PHF8: variants seen among roughly 807,000 people sequenced by gnomAD.
PHF8 encodes histone lysine demethylase PHF8.
PHF8 carries 9 observed loss-of-function variants against 74.4 expected under a neutral mutation model. That is an observed-to-expected ratio of 0.12 (90% CI 0.07 to 0.21). The LOEUF is 0.21. PHF8 is among the 10% of genes least tolerant of loss of function. The pLI is 1.00. For synonymous variants in PHF8, 311 were observed against 316.6 expected (o/e 0.98, Z 0.19); for missense variants, 478 against 816.6 (o/e 0.59, Z 5.05).
chrX:53,956,479 C>T (rs1243049328), intron 19 of PHF8, among the ~76,000 whole-genome samples: 3 of 111,363 alleles, frequency 2.7e-5, no homozygotes, highest in Non-Finnish European at 3.8e-5. Flanking sequence ...ATATCTTCTG[C>T]TCAGTACCAT....
At chrX:53,987,346 T>C (rs1156391859) in intron 15 of PHF8, among the ~76,000 whole-genome samples, 183 bp from the exon 16 acceptor site, 3 of 111,473 alleles carry the variant, frequency 2.7e-5, no homozygotes, top group Non-Finnish European at 5.6e-5. Flanking sequence ...CTACAGAACA[T>C]AGTATAGCAA....
At chrX:53,988,652 C>T (rs1406301124) in intron 14 of PHF8, among the ~76,000 whole-genome samples, 1 of 98,784 alleles carries the variant, frequency 1.0e-5, no homozygotes, top group East Asian at 3.1e-4. Context: ...GACAGAGTCT[C>T]GCTCTGTCAC....
chrX:53,958,043 AT>A (rs372976681), intron 19 of PHF8, among the ~76,000 whole-genome samples: 29,203 of 96,462 alleles, frequency 0.3, 7,157 homozygotes, highest in African/African-American at 0.8. Flanking sequence ...ATCAAGAACT[AT>A]TTTTTTTTTT....
chrX:53,945,513 A>T (rs933356634), intron 19 of PHF8, among the ~76,000 whole-genome samples: 15 of 110,166 alleles, frequency 1.4e-4, no homozygotes, highest in Non-Finnish European at 2.5e-4. Context: ...CTGTCTCAAA[A>T]AATAATAATA....
rs371210757 is a variant in PHF8, at chrX:53,961,532, G to A, written c.2539+1312C>T. The stretch of plus-strand genomic sequence containing the variant: ...AGTAGAAACGACGTTTCACCATGTC[G>A]GTCAGGCTGGTCCTGACCTCAGGTG... On this transcript the variant is annotated intron_variant, in intron 19 of 21. Coordinates refer to ENST00000338154, the MANE Select transcript of PHF8 (RefSeq NM_015107.3). 8.1e-5 allele frequency among the ~76,000 whole-genome samples: 9 copies of A among 111,056 alleles called. No individual in the cohort carries two copies. In the East Asian group the frequency reaches 8.5e-4, roughly 10 times the overall value.
At chrX:53,952,214 G>A (rs2064935825) in intron 19 of PHF8, among the ~76,000 whole-genome samples, 1 of 108,523 alleles carries the variant, frequency 9.2e-6, no homozygotes, top group Non-Finnish European at 1.9e-5. Context: ...AACCCGGGAG[G>A]CAGAGGTTAT....
chrX:54,011,738 A>C (rs2065984332), intron 7 of PHF8, among the ~76,000 whole-genome samples: 1 of 110,928 alleles, frequency 9.0e-6, no homozygotes, highest in African/African-American at 3.3e-5. Flanking sequence ...AGCTAATAAA[A>C]GTTTAAAAGT....
intron 6 of PHF8, 86 bp downstream of exon 6, chrX:54,016,505 AAAAG>A (rs1557108212): frequency 4.7e-6 from 4 of 847,539 alleles, no homozygotes; most frequent in Non-Finnish European, 6.8e-6. Flanking sequence ...AAAAAAAAAA[AAAAG>A]AGAGAGAAAC....
At chrX:54,027,984 C>CCACACACACACACACA (rs782177087) in intron 2 of PHF8, among the ~76,000 whole-genome samples, 4 of 96,513 alleles carry the variant, frequency 4.1e-5, no homozygotes, top group Non-Finnish European at 8.4e-5. Context: ...ACTATACACA[C>CCACACACACACACACA]CACACACACA....
chrX:54,002,114 G>A (rs2065836893), intron 10 of PHF8, 41 bp downstream of exon 10: 2 of 723,405 alleles, frequency 2.8e-6, no homozygotes, highest in South Asian at 4.3e-5. Context: ...ATTCACTCAG[G>A]GGAGAGGGGC....
chrX:53,954,985 T>C (rs1420665162), intron 19 of PHF8, among the ~76,000 whole-genome samples: 1 of 111,251 alleles, frequency 9.0e-6, no homozygotes, highest in African/African-American at 3.3e-5. Context: ...ATATGGGAAA[T>C]CTCTATTTCT....
chrX:53,952,837 G>A (rs1423268868), intron 19 of PHF8, among the ~76,000 whole-genome samples: 7 of 101,578 alleles, frequency 6.9e-5, no homozygotes, highest in African/African-American at 2.6e-4. Flanking sequence ...GAGCCGAGCC[G>A]AGATGGTGCC....
chrX:53,958,564 G>A (rs1441096247), intron 19 of PHF8, among the ~76,000 whole-genome samples: 3 of 103,467 alleles, frequency 2.9e-5, no homozygotes, highest in African/African-American at 1.1e-4. Context: ...GGCGGATCAC[G>A]AGGTCAGGAG....
At chrX:54,013,367 CATCA>C (rs2066011448) in intron 7 of PHF8, among the ~76,000 whole-genome samples, 1 of 111,391 alleles carries the variant, frequency 9.0e-6, no homozygotes, top group Non-Finnish European at 1.9e-5. Flanking sequence ...TGACAAAATT[CATCA>C]AATTGTACAA....
intron 2 of PHF8, among the ~76,000 whole-genome samples, chrX:54,025,401 C>T (rs192605138): frequency 9.1e-6 from 1 of 109,677 alleles, no homozygotes; most frequent in East Asian, 2.9e-4. Context: ...GATCATCTCT[C>T]CTCTACCCTT....
intron 4 of PHF8, among the ~76,000 whole-genome samples, chrX:54,020,318 C>G (rs1036088902): frequency 8.9e-6 from 1 of 112,229 alleles, no homozygotes; most frequent in Non-Finnish European, 1.9e-5. Flanking sequence ...TAACTGGCAA[C>G]GTATGCAAAA....
At chrX:54,048,738 G>A (rs1311760334), upstream of PHF8, among the ~76,000 whole-genome samples, 1 of 112,305 alleles carries the variant, frequency 8.9e-6, no homozygotes, top group Non-Finnish European at 1.9e-5. Flanking sequence ...AGGCTGCCCT[G>A]GAAGCCTACC....
chrX:53,943,470 T>A, intron 20 of PHF8: 3 of 1,007,423 alleles, frequency 3.0e-6, no homozygotes, highest in Non-Finnish European at 3.9e-6. Context: ...TTACACATTA[T>A]ATATGGAAGC....
At chrX:53,975,129 T>C (rs1429109631) in intron 18 of PHF8, among the ~76,000 whole-genome samples, 1 of 111,718 alleles carries the variant, frequency 9.0e-6, no homozygotes, top group Non-Finnish European at 1.9e-5. Flanking sequence ...ATCAGGGAAA[T>C]AGAAATCAAA....
Sources: gnomAD v4.1 joint callset for allele counts (sites outside exome capture counted in the v4.1 genomes callset) on GRCh38, gnomAD v4.1.1 for gene constraint, MANE v1.5 for transcripts, NCBI Gene and HGNC (gene_info 2026-07-23, HGNC 2026-07-21) for gene names.